The following LIPE variants were observed in gnomAD, a reference collection of about 807,000 sequenced individuals.
LIPE encodes hormone-sensitive lipase.
In LIPE, 66 loss-of-function variants were observed where a neutral mutation model predicts 88.5. The observed-to-expected ratio is 0.75, with a 90% confidence interval of 0.61 to 0.91. The LOEUF is 0.91. Ranked by LOEUF, LIPE falls within the 40% of genes least tolerant of loss-of-function variation. LIPE has a pLI of 0.00. For missense variants in LIPE, 1,346 were observed against 1,434.7 expected, an observed-to-expected ratio of 0.94 and a Z score of 1.00; for synonymous variants, 570 against 617.5, an observed-to-expected ratio of 0.92 and a Z score of 1.14.
At position 42,401,840 on chromosome 19, in the gene LIPE, A is replaced by AC. The variant is rs1221866056; in HGVS notation, c.3202dup (p.Val1068GlyfsTer23). The AC allele has an allele frequency of 1.4e-6, 2 of 1,453,912 alleles. No individual in the cohort carries two copies. Among genetic ancestry groups the AC allele is most frequent in the Non-Finnish European group, 1.8e-6 (2 of 1,102,262 alleles). 90.1% of individuals were successfully genotyped at this position (1,453,912 alleles called of 1,614,324 possible). A position where few individuals can be genotyped will look rare whatever the true frequency, so the allele number is the denominator to read the frequency against. On this transcript the variant is annotated frameshift_variant, in exon 10 of 10. Transcript: ENST00000244289. LOFTEE classifies it high-confidence loss of function. Reference sequence around the variant, plus strand: ...GTGTCGCCCCCCGCAGCCCCCGTCTACCCCCGCAGCCCCCGTCTCCCCGCT... The same window carrying AC: ...GTGTCGCCCCCCGCAGCCCCCGTCTACCCCCCGCAGCCCCCGTCTCCCCGCT...
At chr19:42,405,833 G>A (rs1200658033) in intron 7 of LIPE, 13 of 545,302 alleles carry the variant, frequency 2.4e-5, no homozygotes, top group East Asian at 2.1e-4. Flanking sequence ...GGTGGTGCAC[G>A]CCTGTAGTTC....
At chr19:42,412,295 T>A in intron 1 of LIPE, 2 of 985,590 alleles carry the variant, frequency 2.0e-6, no homozygotes, top group Admixed American at 6.1e-5. Flanking sequence ...GAAGAAGGTA[T>A]TTCCTTTCCC....
Position 42,408,183 on chromosome 19 carries a change from G to T in LIPE, c.1510+49C>A. The T allele has an allele frequency of 6.2e-7, 1 of 1,613,946 alleles. No homozygotes were observed. The highest frequency in any genetic ancestry group is 8.5e-7 in the Non-Finnish European group (1 of 1,179,834). ...GTCAGGCTGCTTGGGCAGGAGTGGG[G>T]AGGAGGGCCAAGAGAGTAGGCTGCG... On this transcript the variant is annotated intron_variant, in intron 3 of 9. Coordinates refer to ENST00000244289, the MANE Select transcript of LIPE (RefSeq NM_005357.4). The surrounding 1 kb of genome is among the most constrained non-coding windows in gnomAD (Gnocchi z 4.3).
At chr19:42,418,691 C>T (rs2040537673) in intron 1 of LIPE, among the ~76,000 whole-genome samples, 1 of 151,988 alleles carries the variant, frequency 6.6e-6, no homozygotes, top group Admixed American at 6.6e-5. Flanking sequence ...TATTTTTAGA[C>T]ATATGCTGTT....
chr19:42,402,231 G>A (rs10422301), intron 9 of LIPE, among the ~76,000 whole-genome samples, 156 bp from the exon 10 acceptor site: 1,613 of 152,230 alleles, frequency 0.011, 18 homozygotes, highest in African/African-American at 0.035. Context: ...AGGAGTTGGG[G>A]AGAGAATGGA....
At position 42,407,776 on chromosome 19, in the gene LIPE, C is replaced by G; in HGVS notation, c.1672G>C (p.Ala558Pro). The change falls in exon 5 of 10, where the codon GCA becomes CCA. Residue 558 changes from alanine (A) to proline (P), a missense_variant. By Grantham distance (27) the Ala-to-Pro change is conservative. Coordinates refer to ENST00000244289, the MANE Select transcript of LIPE (RefSeq NM_005357.4). The surrounding 1 kb of genome is among the most constrained non-coding windows in gnomAD (Gnocchi z 5.8). ...CGGCTTACCCTCACGGTGGCCGATGCCATGTTGGCCAGAGACTGGAGGGAG... is the reference window on the plus strand; with the variant it reads ...CGGCTTACCCTCACGGTGGCCGATGGCATGTTGGCCAGAGACTGGAGGGAG... Reference protein sequence around the residue: ...MEVLSSLANMASATVRVSRLL... With the variant: ...MEVLSSLANMPSATVRVSRLL... 2 of 1,546,828 alleles carry G rather than the reference C, an allele frequency of 1.3e-6. No homozygotes were observed. Among genetic ancestry groups the G allele is most frequent in the Non-Finnish European group, 1.7e-6 (2 of 1,145,818 alleles).
chr19:42,407,953 C>T lies in LIPE; in HGVS notation c.1656+23G>A, dbSNP rs1197619748. The T allele has an allele frequency of 8.1e-6, 13 of 1,607,376 alleles. No homozygotes were observed. The highest frequency in any genetic ancestry group is 1.1e-5 in the Non-Finnish European group (13 of 1,177,820). On this transcript the variant is annotated intron_variant, in intron 4 of 9. Coordinates refer to ENST00000244289, the MANE Select transcript of LIPE (RefSeq NM_005357.4). This position sits in a 1 kb window ranked among gnomAD's most constrained non-coding sequence, Gnocchi z 5.8. The stretch of plus-strand genomic sequence containing the variant: ...CAGATGAGTCTCTGGGCCTCAGTGT[C>T]CCCATCTGCAACAGGCCCTCACCGA...
At chr19:42,412,883 C>T (rs906375416) in intron 1 of LIPE, among the ~76,000 whole-genome samples, 6 of 152,196 alleles carry the variant, frequency 3.9e-5, no homozygotes, top group East Asian at 1.9e-4. Context: ...GCCAGCCCTG[C>T]CTGTCCCTCC....
intron 7 of LIPE, 187 bp from the exon 8 acceptor site, chr19:42,405,748 T>A: frequency 1.6e-6 from 1 of 610,696 alleles, no homozygotes; most frequent in Non-Finnish European, 2.8e-6. Context: ...GGCGAGAGGA[T>A]GGCTTGAGCC....
rs967536487 is a variant in LIPE at position 42,407,604 on chromosome 19, A to C, written c.1842+2T>G. 6.2e-7 allele frequency: 1 copy of C among 1,604,324 alleles called. No individual in the cohort carries two copies. The highest frequency in any genetic ancestry group is 1.3e-5 in the African/African-American group (1 of 74,690). ...TGTCCCTGGCTGAGGCTGGAACCCT[A>C]CCTGTCCTTCACGCAGGTCATAGGA... On this transcript the variant is annotated splice_donor_variant, in intron 5 of 9. Transcript: ENST00000244289. LOFTEE classifies it high-confidence loss of function. This position sits in a 1 kb window ranked among gnomAD's most constrained non-coding sequence, Gnocchi z 5.8.
chr19:42,417,283 G>A (rs114953493), intron 1 of LIPE, among the ~76,000 whole-genome samples: 4,902 of 152,150 alleles, frequency 0.032, 237 homozygotes, highest in African/African-American at 0.11. Context: ...TTTTAGAGAT[G>A]GATTCTTGCT....
chr19:42,426,334 T>A lies in LIPE; in HGVS notation c.816A>T (p.Ser272=), dbSNP rs765324354. The A allele has an allele frequency of 2.5e-6, 4 of 1,613,172 alleles. No homozygotes were observed. In the African/African-American group the frequency reaches 5.3e-5, roughly 22 times the overall value. ...CATGTGGCGACGTCCCACTGTATCC[T>A]GACATCACTTTATAACCAGATTTTC... ...FKGKSGYKVM[S]GYSGTSPHEK... The change falls in exon 1 of 10, where the codon TCA becomes TCT. Residue 272 remains serine, a synonymous_variant. Coordinates refer to ENST00000244289, the MANE Select transcript of LIPE (RefSeq NM_005357.4).
chr19:42,416,991 G>T (rs1223381211), intron 1 of LIPE, among the ~76,000 whole-genome samples: 1 of 152,200 alleles, frequency 6.6e-6, no homozygotes, highest in Non-Finnish European at 1.5e-5. Flanking sequence ...CGCAATCTCA[G>T]CTCACTGCAA....
chr19:42,406,245 C>T lies in LIPE; in HGVS notation c.2281G>A (p.Ala761Thr), dbSNP rs1309252245. Residue 761 changes from alanine to threonine, a missense_variant, in exon 7 of 10, where the codon GCC becomes ACC. Transcript: ENST00000244289. This position sits in a 1 kb window ranked among gnomAD's most constrained non-coding sequence, Gnocchi z 5.7. ...CTCAGCAGGCGGGAGGGAGAGGCGG[C>T]AGGCTGCAGCATTGTGGCCGGGTAG... The part of the protein sequence containing the change: ...AAYPATMLQP[A>T]ASPSRLLSLM... 3 of 1,613,758 alleles carry T rather than the reference C, an allele frequency of 1.9e-6. No individual in the cohort carries two copies. The highest frequency in any genetic ancestry group is 1.7e-6 in the Non-Finnish European group (2 of 1,179,848).
In LIPE at chr19:42,407,071, G is replaced by T; in HGVS notation, c.2137+103C>A. Reference sequence around the variant, plus strand: ...GGTGAGCAGGAGCTGGGAGGTGTGGGGGGAGAGAAAGGTAGAGGGTGTGAG... The same window carrying T: ...GGTGAGCAGGAGCTGGGAGGTGTGGTGGGAGAGAAAGGTAGAGGGTGTGAG... On this transcript the variant is annotated intron_variant, in intron 6 of 9. Transcript: ENST00000244289. This position sits in a 1 kb window ranked among gnomAD's most constrained non-coding sequence, Gnocchi z 5.8. 1 of 1,022,528 alleles carries T rather than the reference G, an allele frequency of 9.8e-7. No homozygotes were observed. 63.3% of individuals were successfully genotyped at this position (1,022,528 alleles called of 1,614,324 possible).
rs567854890 is a variant in LIPE at position 42,401,587 on chromosome 19, C to G, written c.*225G>C. The G allele has an allele frequency of 2.6e-5, 13 of 506,388 alleles. No individual in the cohort carries two copies. Among genetic ancestry groups the G allele is most frequent in the African/African-American group, 4.1e-5 (2 of 49,054 alleles). 31.4% of individuals were successfully genotyped at this position (506,388 alleles called of 1,614,324 possible). On this transcript the variant is annotated 3_prime_UTR_variant, in exon 10 of 10. Coordinates refer to ENST00000244289, the MANE Select transcript of LIPE (RefSeq NM_005357.4). ...GGCCAGTCCCCGTCCCTGCGGCGGT[C>G]GCCGCAGCAGCAGCAGCAAAAGGCA...
chr19:42,403,975 G>A (rs569957747), intron 8 of LIPE, among the ~76,000 whole-genome samples: 2 of 152,214 alleles, frequency 1.3e-5, no homozygotes, highest in East Asian at 3.9e-4. Context: ...CAGCCCACCT[G>A]GCGTGCCCAG....
Position 42,410,830 on chromosome 19 carries a change from A to G in LIPE, c.896T>C (p.Ile299Thr). 6.4e-7 allele frequency: 1 copy of G among 1,560,378 alleles called. No homozygotes were observed. The highest frequency in any genetic ancestry group is 1.4e-5 in the African/African-American group (1 of 73,894). ...CATTGTGCGCAGGTCCATGTTGTGGATGAGCCTTGAGGCTGTGGGCAGGTG... is the reference window on the plus strand; with the variant it reads ...CATTGTGCGCAGGTCCATGTTGTGGGTGAGCCTTGAGGCTGTGGGCAGGTG... ...RHYQDTASRL[I>T]HNMDLRTMTQ... The change falls in exon 2 of 10, where the codon ATC (isoleucine) becomes ACC (threonine). Residue 299 changes from isoleucine (I) to threonine (T), a missense_variant. Ile to Thr is a moderately conservative substitution (Grantham distance 89). Transcript: ENST00000244289. This position sits in a 1 kb window ranked among gnomAD's most constrained non-coding sequence, Gnocchi z 6.1.
intron 1 of LIPE, among the ~76,000 whole-genome samples, chr19:42,413,897 C>T (rs1311408439): frequency 6.6e-6 from 1 of 152,170 alleles, no homozygotes; most frequent in Non-Finnish European, 1.5e-5. Flanking sequence ...CTAGTTAGCT[C>T]AGGAGAGGAC....
Sources: allele counts gnomAD v4.1 joint callset (sites outside exome capture counted in the v4.1 genomes callset), GRCh38; gene constraint gnomAD v4.1.1; non-coding constraint Gnocchi (gnomAD v3.1); transcripts MANE v1.5; gene names NCBI Gene and HGNC (gene_info 2026-07-23, HGNC 2026-07-21).